The following NPHP3 variants were observed in gnomAD, a reference collection of about 807,000 sequenced individuals.
NPHP3 encodes nephrocystin 3, also known as nephrocystin-3.
A neutral mutation model predicts 171.9 loss-of-function variants in NPHP3; 123 were observed. The observed-to-expected ratio is 0.72, with a 90% CI of 0.62 to 0.83. The LOEUF is 0.83. Ranked by LOEUF, NPHP3 falls within the 40% of genes least tolerant of loss-of-function variation. NPHP3 has a pLI of 0.00. For synonymous variants in NPHP3, 558 were observed against 579.2 expected, an observed-to-expected ratio of 0.96 and a Z score of 0.52; for missense variants, 1,506 against 1,591.9, an observed-to-expected ratio of 0.95 and a Z score of 0.92.
At position 132,708,098 on chromosome 3, in the gene NPHP3, T is replaced by A. The variant is rs370712498; in HGVS notation, c.1275+3A>T. Reference sequence around the variant, plus strand: ...GTTTTTCAAAAATGCCTATGAATTTTACCTTGGCTTTGCTGGTCTTGTTTA... The same window carrying A: ...GTTTTTCAAAAATGCCTATGAATTTAACCTTGGCTTTGCTGGTCTTGTTTA... On this transcript the variant is annotated splice_donor_region_variant and intron_variant, in intron 7 of 26. Transcript: ENST00000337331. 25 of 1,614,008 alleles carry A rather than the reference T, an allele frequency of 1.5e-5. No individual in the cohort carries two copies. The highest frequency in any genetic ancestry group is 2.0e-5 in the Non-Finnish European group (24 of 1,179,984).
chr3:132,708,401 C>A, intron 6 of NPHP3, 144 bp from the exon 7 acceptor site: 2 of 744,832 alleles, frequency 2.7e-6, no homozygotes, highest in Non-Finnish European at 2.3e-6. Flanking sequence ...TGAAGCTTTC[C>A]AAAAATGGAT....
At position 132,714,726 on chromosome 3, in the gene NPHP3, C is replaced by T. The variant is rs545046894; in HGVS notation, c.957+359G>A. Reference sequence around the variant, plus strand: ...CCCAGGCAACAGAGCAAGACACTGTCTCAAAACAAGCAAACAAACACACAA... The same window carrying T: ...CCCAGGCAACAGAGCAAGACACTGTTTCAAAACAAGCAAACAAACACACAA... On this transcript the variant is annotated intron_variant, in intron 5 of 26. Transcript: ENST00000337331. Among the ~76,000 whole-genome samples the T allele has an allele frequency of 2.0e-5, 3 of 152,168 alleles. No individual in the cohort carries two copies. The South Asian group carries it at 6.2e-4, about 32-fold the overall frequency.
At chr3:132,693,423 T>C (rs1228303182) in intron 16 of NPHP3, 2 of 153,394 alleles carry the variant, frequency 1.3e-5, no homozygotes, top group Non-Finnish European at 2.9e-5. Context: ...CCAGGATCTT[T>C]GAAGGGCTTT....
At chr3:132,705,639 G>A in intron 8 of NPHP3, 101 bp downstream of exon 8, 1 of 676,618 alleles carries the variant, frequency 1.5e-6, no homozygotes, top group South Asian at 1.7e-5. Context: ...CAGGTACTGT[G>A]TTCAAAAAGA....
chr3:132,713,856 T>A (rs1409860506), intron 5 of NPHP3, among the ~76,000 whole-genome samples: 2 of 152,236 alleles, frequency 1.3e-5, no homozygotes, highest in African/African-American at 2.4e-5. Flanking sequence ...ATTTTATCTT[T>A]TTACTAAAAT....
chr3:132,721,075 G>T (rs1475679830), intron 1 of NPHP3, among the ~76,000 whole-genome samples: 2 of 152,106 alleles, frequency 1.3e-5, no homozygotes, highest in African/African-American at 4.8e-5. Context: ...GTGCCACCAT[G>T]CCCGGCTAAT....
intron 12 of NPHP3, 149 bp downstream of exon 12, chr3:132,699,769 A>G (rs1233025718): frequency 1.2e-6 from 1 of 822,838 alleles, no homozygotes; most frequent in Non-Finnish European, 1.9e-6. Context: ...ATATTTTTTT[A>G]ATCCATGTTA....
intron 21 of NPHP3, 85 bp from the exon 22 acceptor site, chr3:132,687,311 TAA>T (rs1939187687): frequency 1.0e-5 from 7 of 680,054 alleles, no homozygotes; most frequent in East Asian, 2.7e-5. Context: ...TTTCATAGTG[TAA>T]AGTCTTTTTG....
At chr3:132,695,247 C>A in intron 15 of NPHP3, 1 of 336,010 alleles carries the variant, frequency 3.0e-6, no homozygotes, top group East Asian at 6.5e-5. Context: ...AGACACGGTT[C>A]TTATTATCCA....
At chr3:132,699,596 T>C in intron 12 of NPHP3, 146 bp from the exon 13 acceptor site, 2 of 703,072 alleles carry the variant, frequency 2.8e-6, no homozygotes, top group Non-Finnish European at 4.7e-6. Context: ...ATTTTAGAAT[T>C]TTAAAAGAAC....
At chr3:132,719,509 C>G (rs1201177124) in intron 2 of NPHP3, among the ~76,000 whole-genome samples, 196 bp downstream of exon 2, 1 of 152,058 alleles carries the variant, frequency 6.6e-6, no homozygotes, top group Non-Finnish European at 1.5e-5. Flanking sequence ...CACTTTCATA[C>G]GTTTTTCTTT....
intron 9 of NPHP3, among the ~76,000 whole-genome samples, chr3:132,701,750 C>T (rs191547324): frequency 4.6e-5 from 7 of 152,292 alleles, no homozygotes; most frequent in East Asian, 3.9e-4. Context: ...TGGCTGGGCG[C>T]GGTGGCTCAC....
At chr3:132,686,187 C>T (rs2107964951) in intron 23 of NPHP3, 73 bp downstream of exon 23, 1 of 1,523,778 alleles carries the variant, frequency 6.6e-7, no homozygotes. Context: ...TTAGACTTGA[C>T]AAAAATGTAA....
intron 6 of NPHP3, chr3:132,712,301 A>T (rs1412645379): frequency 2.5e-6 from 1 of 404,448 alleles, no homozygotes; most frequent in Non-Finnish European, 4.9e-6. Flanking sequence ...AATACCTCTC[A>T]GTTTGTATCC....
chr3:132,692,789 A>G lies in NPHP3; in HGVS notation c.2340T>C (p.Asn780=). The G allele has an allele frequency of 6.2e-7, 1 of 1,614,066 alleles. No homozygotes were observed. Among genetic ancestry groups the G allele is most frequent in the South Asian group, 1.1e-5 (1 of 91,080 alleles). Residue 780 remains asparagine, a synonymous_variant, in exon 17 of 27, where the codon AAT becomes AAC. Transcript: ENST00000337331. ...CCATCAGTTCTGATTCACTCACACC[A>G]TTGTGACTAACATTGACAAGGCAGA... ...QILCLVNVSH[N]GVSESELMEL... is the part of the protein sequence containing the mutation.
chr3:132,694,170 A>AT (rs1186135742), intron 16 of NPHP3, among the ~76,000 whole-genome samples: 5 of 152,096 alleles, frequency 3.3e-5, no homozygotes, highest in Middle Eastern at 3.2e-3. Context: ...TGAGCTTGAT[A>AT]TTTGTCAGTT....
chr3:132,691,074 TC>T, intron 18 of NPHP3, 117 bp downstream of exon 18: 2 of 832,440 alleles, frequency 2.4e-6, no homozygotes, highest in South Asian at 2.7e-5. Context: ...GAGGATTTAA[TC>T]TTTTTTGTAA....
In NPHP3 at chr3:132,701,543, AAAATG is replaced by A; in HGVS notation, c.1525-15_1525-11del. On this transcript the variant is annotated splice_polypyrimidine_tract_variant and intron_variant, in intron 9 of 26. Transcript: ENST00000337331. ...TAAGGCGTTGGTAATACTAGAAAAA[AAAATG>A]AATTTACATTGTAAGGAAGCACATG... 6.3e-7 allele frequency: 1 copy of A among 1,576,648 alleles called. No individual in the cohort carries two copies. The highest frequency in any genetic ancestry group is 8.7e-7 in the Non-Finnish European group (1 of 1,146,020).
At chr3:132,698,342 A>G (rs1468303086) in intron 13 of NPHP3, among the ~76,000 whole-genome samples, 2 of 152,010 alleles carry the variant, frequency 1.3e-5, no homozygotes, top group African/African-American at 4.8e-5. Context: ...CAGTGGTGCA[A>G]TCTCAGCTCA....
Sources: allele counts gnomAD v4.1 joint callset (sites outside exome capture counted in the v4.1 genomes callset), GRCh38; gene constraint gnomAD v4.1.1; transcripts MANE v1.5; gene names NCBI Gene and HGNC (gene_info 2026-07-23, HGNC 2026-07-21).